GRM1: variants seen among roughly 807,000 people sequenced by gnomAD.
GRM1 encodes the protein glutamate metabotropic receptor 1, also known as metabotropic glutamate receptor 1.
GRM1 carries 33 observed loss-of-function variants against 90.9 expected under a neutral mutation model. The observed-to-expected ratio is 0.36, with a 90% CI of 0.28 to 0.49. The LOEUF is 0.49. GRM1 is among the 20% of genes least tolerant of loss of function. The pLI is 0.99. For missense variants in GRM1, 1,190 were observed against 1,534.3 expected (o/e 0.78, Z 3.75); for synonymous variants, 700 against 613.2 (o/e 1.14, Z -2.09).
intron 5 of GRM1, among the ~76,000 whole-genome samples, chr6:146,363,568 T>C (rs1775572192): frequency 6.6e-6 from 1 of 152,142 alleles, no homozygotes; most frequent in Non-Finnish European, 1.5e-5. Context: ...ATAAAATCTA[T>C]GTGTATGTGT....
chr6:146,224,509 A>G (rs1436142582), intron 2 of GRM1, among the ~76,000 whole-genome samples: 1 of 152,148 alleles, frequency 6.6e-6, no homozygotes, highest in Non-Finnish European at 1.5e-5. Context: ...TTATCTTTAA[A>G]CTTGCATTAA....
intron 5 of GRM1, among the ~76,000 whole-genome samples, chr6:146,358,463 T>C (rs1231991276): frequency 6.6e-6 from 1 of 152,140 alleles, no homozygotes; most frequent in Non-Finnish European, 1.5e-5. Flanking sequence ...GATGACCTAA[T>C]AGATCTTTCC....
rs190786530 is a variant in GRM1, at chr6:146,371,452, T to G, written c.1602+13758T>G. Among the ~76,000 whole-genome samples, 4 of 152,284 alleles carry G rather than the reference T, an allele frequency of 2.6e-5. No homozygotes were observed. In the East Asian group the frequency reaches 7.7e-4, roughly 29 times the overall value. On this transcript the variant is annotated intron_variant, in intron 5 of 7. Coordinates refer to ENST00000282753, the MANE Select transcript of GRM1 (RefSeq NM_001278064.2). ...TGCGGTATTCCTTCCCTCAAGCATT[T>G]ATCCTTTGAGTTACAAACAATCCAA...
chr6:146,073,902 G>A (rs1255808036), intron 1 of GRM1, among the ~76,000 whole-genome samples: 1 of 152,102 alleles, frequency 6.6e-6, no homozygotes, highest in Non-Finnish European at 1.5e-5. Flanking sequence ...ACGTAGAGAT[G>A]TCCATATGTG....
intron 2 of GRM1, among the ~76,000 whole-genome samples, chr6:146,220,292 A>G (rs1780017448): frequency 6.6e-6 from 1 of 152,154 alleles, no homozygotes; most frequent in Non-Finnish European, 1.5e-5. Flanking sequence ...GATTAACTAA[A>G]TGTGTATTAT....
In GRM1 at chr6:146,077,560, A is replaced by T. The variant is rs928881485; in HGVS notation, c.700+47343A>T. 3.9e-5 allele frequency among the ~76,000 whole-genome samples: 6 copies of T among 152,340 alleles called. No homozygotes were observed. The East Asian group carries it at 1.2e-3, about 29-fold the overall frequency. On this transcript the variant is annotated intron_variant, in intron 1 of 7. Transcript: ENST00000282753. The stretch of plus-strand genomic sequence containing the variant: ...GCACTAGCTGGACTGAGCATCACAG[A>T]TGTCAACAGATTTCTGCTGAACTTT...
intron 1 of GRM1, among the ~76,000 whole-genome samples, chr6:146,124,352 A>G (rs879380946): frequency 1.3e-5 from 2 of 152,210 alleles, no homozygotes; most frequent in Non-Finnish European, 2.9e-5. Context: ...TAATTTCTTC[A>G]TTGCTGATTT....
At chr6:146,071,688 G>C (rs1776021892) in intron 1 of GRM1, among the ~76,000 whole-genome samples, 1 of 152,138 alleles carries the variant, frequency 6.6e-6, no homozygotes, top group Non-Finnish European at 1.5e-5. Flanking sequence ...TATTAGGGAT[G>C]GGAAGGAAGG....
rs186345023 is a variant in GRM1, at chr6:146,333,414, T to G, written c.1187-18836T>G. 7.2e-5 allele frequency among the ~76,000 whole-genome samples: 11 copies of G among 152,232 alleles called. No homozygotes were observed. In the East Asian group the frequency reaches 1.9e-3, roughly 27 times the overall value. On this transcript the variant is annotated intron_variant, in intron 3 of 7. Coordinates refer to ENST00000282753, the MANE Select transcript of GRM1 (RefSeq NM_001278064.2). ...GTGTAGGAAGATAAATTGAGGAAAA[T>G]CACACATTATTACTGTAAGATTGTA... is the stretch of plus-strand genomic sequence containing the variant.
chr6:146,232,673 GC>G (rs930372586), intron 2 of GRM1, among the ~76,000 whole-genome samples: 1 of 151,736 alleles, frequency 6.6e-6, no homozygotes, highest in African/African-American at 2.4e-5. Context: ...CTGCCCTCCA[GC>G]CCCCCAATAC....
chr6:146,289,280 G>A (rs1562584605), intron 2 of GRM1, among the ~76,000 whole-genome samples: 1 of 152,036 alleles, frequency 6.6e-6, no homozygotes, highest in Non-Finnish European at 1.5e-5. Flanking sequence ...GGAAGATCTT[G>A]GTGCTGTGTA....
intron 1 of GRM1, among the ~76,000 whole-genome samples, chr6:146,059,034 T>C (rs1775577480): frequency 6.6e-6 from 1 of 152,182 alleles, no homozygotes; most frequent in African/African-American, 2.4e-5. Flanking sequence ...TTACAAACTC[T>C]TAATAATGTT....
chr6:146,404,226 G>A (rs1777255496), intron 7 of GRM1, among the ~76,000 whole-genome samples: 1 of 151,986 alleles, frequency 6.6e-6, no homozygotes, highest in African/African-American at 2.4e-5. Context: ...AATATTTATT[G>A]AGGATCAATT....
chr6:146,249,838 G>C (rs1178750736), intron 2 of GRM1, among the ~76,000 whole-genome samples: 1 of 152,174 alleles, frequency 6.6e-6, no homozygotes, highest in African/African-American at 2.4e-5. Context: ...GCAGCCAGGG[G>C]GTGGGTTGAG....
At chr6:146,336,082 A>G (rs887370713) in intron 3 of GRM1, among the ~76,000 whole-genome samples, 7 of 152,144 alleles carry the variant, frequency 4.6e-5, no homozygotes, top group Admixed American at 4.6e-4. Flanking sequence ...CTTTTTCTTT[A>G]TAAATTACCC....
At chr6:146,403,740 C>G (rs549534775) in intron 7 of GRM1, among the ~76,000 whole-genome samples, 1 of 152,170 alleles carries the variant, frequency 6.6e-6, no homozygotes, top group South Asian at 2.1e-4. Context: ...GATATCATGG[C>G]CAAATGGAAG....
intron 1 of GRM1, among the ~76,000 whole-genome samples, chr6:146,142,984 C>T (rs1231356691): frequency 6.6e-6 from 1 of 152,190 alleles, no homozygotes; most frequent in Non-Finnish European, 1.5e-5. Context: ...ATAGCTACCA[C>T]AGCTGGGAAT....
chr6:146,083,246 C>T (rs1776425103), intron 1 of GRM1, among the ~76,000 whole-genome samples: 1 of 152,150 alleles, frequency 6.6e-6, no homozygotes, highest in South Asian at 2.1e-4. Context: ...CCTGATTGCC[C>T]TGGCCAGAAC....
intron 2 of GRM1, among the ~76,000 whole-genome samples, chr6:146,274,402 C>G (rs920590275): frequency 2.0e-5 from 3 of 152,090 alleles, no homozygotes; most frequent in Non-Finnish European, 4.4e-5. Flanking sequence ...ACCTCCATAC[C>G]GTGAAGAAAT....
Sources: allele counts gnomAD v4.1 joint callset (sites outside exome capture counted in the v4.1 genomes callset), GRCh38; gene constraint gnomAD v4.1.1; transcripts MANE v1.5; gene names NCBI Gene and HGNC (gene_info 2026-07-23, HGNC 2026-07-21).